The following SLC12A3 variants were observed in gnomAD, a reference collection of about 807,000 sequenced individuals.
SLC12A3 encodes Na-Cl cotransporter.
A neutral mutation model predicts 121.0 loss-of-function variants in SLC12A3; 104 were observed. The ratio of observed to expected loss-of-function variants is 0.86; its 90% CI spans 0.73 to 1.01. The LOEUF (loss-of-function observed/expected upper bound fraction) is 1.01, where lower values mean the gene tolerates loss of function less well. SLC12A3 is among the 50% of genes least tolerant of loss of function. The pLI is 0.00. For missense variants in SLC12A3, 1,328 were observed against 1,356.3 expected (o/e 0.98, Z 0.33); for synonymous variants, 536 against 533.4 (o/e 1.00, Z -0.07).
chr16:56,873,374 C>CTTTTT (rs59478629), intron 8 of SLC12A3, among the ~76,000 whole-genome samples: 139 of 75,392 alleles, frequency 1.8e-3, no homozygotes, highest in Non-Finnish European at 2.5e-3. Context: ...CTCTTTCTTT[C>CTTTTT]TTTTTTTTTT....
chr16:56,884,313 C>A, intron 14 of SLC12A3, 109 bp downstream of exon 14: 1 of 1,147,084 alleles, frequency 8.7e-7, no homozygotes, highest in Non-Finnish European at 1.3e-6. Context: ...CTGTGCTGTC[C>A]AGGGCCCCTC....
Position 56,870,221 on chromosome 16 carries a change from C to A in SLC12A3, c.727C>A (p.Arg243=). The change falls in exon 5 of 26, where the codon CGG becomes AGG. Residue 243 remains arginine (R), a synonymous_variant. Coordinates refer to ENST00000563236, the MANE Select transcript of SLC12A3 (RefSeq NM_001126108.2). ...CACGGTGGGCTTTGCAGAGACCGTG[C>A]GGGACCTGCTCCAGGTGAGGCCGGG... ...MHTVGFAETV[R]DLLQEYGAPI... The A allele has an allele frequency of 2.5e-6, 4 of 1,613,488 alleles. No homozygotes were observed. Among genetic ancestry groups the A allele is most frequent in the Non-Finnish European group, 3.4e-6 (4 of 1,180,010 alleles).
chr16:56,889,130 A>ATGT lies in SLC12A3; in HGVS notation c.2285+1099_2285+1100insTGT, dbSNP rs1311364871. Among the ~76,000 whole-genome samples the ATGT allele has an allele frequency of 5.6e-3, 847 of 152,328 alleles. 15 individuals carry two copies. The highest frequency in any genetic ancestry group is 0.038 in the South Asian group (184 of 4,832). On this transcript the variant is annotated intron_variant, in intron 18 of 25. Coordinates refer to ENST00000563236, the MANE Select transcript of SLC12A3 (RefSeq NM_001126108.2). ...TGTTGATGTTGTTGTGTGAGGTATC[A>ATGT]CTGAACAACATGAGGCTGAGGGTTG...
chr16:56,901,347 C>CTCTTTTTTTTT (rs1555502273), intron 23 of SLC12A3, among the ~76,000 whole-genome samples: 7 of 128,880 alleles, frequency 5.4e-5, no homozygotes, highest in South Asian at 2.4e-4. Flanking sequence ...CTCTCTCTCT[C>CTCTTTTTTTTT]TTTTTTTTTT....
intron 11 of SLC12A3, among the ~76,000 whole-genome samples, chr16:56,879,913 G>A (rs1307413261): frequency 2.6e-5 from 4 of 152,114 alleles, no homozygotes; most frequent in Admixed American, 2.0e-4. Context: ...AGCTCTACCC[G>A]AAGCCATCCA....
rs545989306 is a variant in SLC12A3 at position 56,867,166 on chromosome 16, G to T, written c.379G>T (p.Glu127Ter). The T allele has an allele frequency of 6.2e-7, 1 of 1,613,962 alleles. No individual in the cohort carries two copies. Among genetic ancestry groups the T allele is most frequent in the Non-Finnish European group, 8.5e-7 (1 of 1,179,986 alleles). Residue 127 changes from glutamate to a stop codon, truncating the protein, a stop_gained, in exon 2 of 26, where the codon GAG (glutamate) becomes TAG (stop). Coordinates refer to ENST00000563236, the MANE Select transcript of SLC12A3 (RefSeq NM_001126108.2). LOFTEE classifies it high-confidence loss of function. ...GGAGGGCGAGGCAGGCACCAGCAGC[G>T]AGAAGAACCCCGAGGAGCCAGTGCG... is the stretch of plus-strand genomic sequence containing the variant. Reference protein sequence around the residue: ...LVEGEAGTSSEKNPEEPVRFG... With the variant: ...LVEGEAGTSS
At position 56,902,745 on chromosome 16, in the gene SLC12A3, C is replaced by T. The variant is rs530207448; in HGVS notation, c.2856+237C>T. Reference sequence around the variant, plus strand: ...CCTGCCCATCTTGAGTGAGCTCTGGCAGTGGGCTTGACTGCCCGGAGTCCT... The same window carrying T: ...CCTGCCCATCTTGAGTGAGCTCTGGTAGTGGGCTTGACTGCCCGGAGTCCT... On this transcript the variant is annotated intron_variant, in intron 24 of 25. Coordinates refer to ENST00000563236, the MANE Select transcript of SLC12A3 (RefSeq NM_001126108.2). Among the ~76,000 whole-genome samples, 5 of 151,572 alleles carry T rather than the reference C, an allele frequency of 3.3e-5. No homozygotes were observed. In the South Asian group the frequency reaches 1.0e-3, roughly 32 times the overall value.
chr16:56,894,153 A>G (rs1389088831), intron 21 of SLC12A3, among the ~76,000 whole-genome samples: 1 of 151,884 alleles, frequency 6.6e-6, no homozygotes, highest in Non-Finnish European at 1.5e-5. Context: ...ATAGGTGTGC[A>G]CCATCAGGCC....
chr16:56,870,138 T>G lies in SLC12A3; in HGVS notation c.644T>G (p.Leu215Arg), dbSNP rs780594361. The change falls in exon 5 of 26, where the codon CTT becomes CGT. Residue 215 changes from leucine to arginine, a missense_variant. Coordinates refer to ENST00000563236, the MANE Select transcript of SLC12A3 (RefSeq NM_001126108.2). ...ATCTCCCGGAGTCTGGGCCCAGAGC[T>G]TGGGGGCTCCATCGGCCTCATTTTC... The part of the protein sequence containing the change: ...FLISRSLGPE[L>R]GGSIGLIFAF... 6.2e-7 allele frequency: 1 copy of G among 1,613,934 alleles called. No homozygotes were observed. The highest frequency in any genetic ancestry group is 8.5e-7 in the Non-Finnish European group (1 of 1,180,052).
intron 8 of SLC12A3, among the ~76,000 whole-genome samples, chr16:56,875,824 C>T (rs989915854): frequency 2.1e-5 from 3 of 142,770 alleles, no homozygotes; most frequent in Non-Finnish European, 4.6e-5. Flanking sequence ...GAGTTAGGCA[C>T]ATCCAGGTCC....
intron 18 of SLC12A3, among the ~76,000 whole-genome samples, chr16:56,888,581 C>T (rs1433797163): frequency 5.6e-5 from 4 of 71,990 alleles, no homozygotes; most frequent in African/African-American, 9.6e-5. Context: ...TTTTTTGAGA[C>T]GGAGTCTCAC....
chr16:56,887,790 ATATATATATT>A (rs1418161411), intron 17 of SLC12A3, 125 bp from the exon 18 acceptor site: 12 of 110,406 alleles, frequency 1.1e-4, no homozygotes, highest in East Asian at 8.1e-4. Flanking sequence ...ATATATATAT[ATATATATATT>A]TTTTTTTTTT....
At position 56,904,326 on chromosome 16, in the gene SLC12A3, A is replaced by AT. The variant is rs1320955704; in HGVS notation, c.2857-68dup. The AT allele has an allele frequency of 2.2e-6, 3 of 1,367,678 alleles. No individual in the cohort carries two copies. In the East Asian group the frequency reaches 6.9e-5, roughly 31 times the overall value. The allele number at this position is 1,367,678 out of a possible 1,614,324, so 84.7% of individuals were successfully genotyped here. A position where few individuals can be genotyped will look rare whatever the true frequency, so the allele number is the denominator to read the frequency against. ...TCCAGTTGAAAATGTTAATGAGGCC[A>AT]TAGACGTGGTGAAGGATTGAGTGAC... On this transcript the variant is annotated intron_variant, in intron 24 of 25. Transcript: ENST00000563236.
chr16:56,899,301 C>T (rs1177349998), intron 22 of SLC12A3, among the ~76,000 whole-genome samples: 1 of 151,830 alleles, frequency 6.6e-6, no homozygotes, highest in Non-Finnish European at 1.5e-5. Context: ...CACCCGAGGC[C>T]AACATGACGA....
intron 9 of SLC12A3, 40 bp from the exon 10 acceptor site, chr16:56,879,033 G>A (rs760679264): frequency 6.3e-7 from 1 of 1,577,448 alleles, no homozygotes; most frequent in East Asian, 2.3e-5. Context: ...AGAGTAAGGA[G>A]GGAAGGCAGA....
At chr16:56,897,175 T>G (rs572214558) in intron 22 of SLC12A3, among the ~76,000 whole-genome samples, 11 of 151,364 alleles carry the variant, frequency 7.3e-5, no homozygotes, top group Admixed American at 5.9e-4. Flanking sequence ...GGCACACAAG[T>G]ATGGAGTTGA....
At chr16:56,888,190 G>C (rs1353473823) in intron 18 of SLC12A3, among the ~76,000 whole-genome samples, 159 bp downstream of exon 18, 10 of 152,212 alleles carry the variant, frequency 6.6e-5, no homozygotes, top group African/African-American at 2.4e-4. Context: ...GAGGCAGGAA[G>C]CTCACTTGAG....
intron 25 of SLC12A3, among the ~76,000 whole-genome samples, chr16:56,909,315 G>GC: frequency 8.2e-6 from 1 of 122,470 alleles, no homozygotes; most frequent in South Asian, 2.4e-4. Flanking sequence ...AAAAAAGAAA[G>GC]CAAAAAAAAA....
chr16:56,902,589 G>A, intron 24 of SLC12A3, 81 bp downstream of exon 24: 1 of 1,553,508 alleles, frequency 6.4e-7, no homozygotes, highest in Admixed American at 1.7e-5. Flanking sequence ...AGCTCCCCCA[G>A]CCCCTCCCCT....
Sources: gnomAD v4.1 joint callset for allele counts (sites outside exome capture counted in the v4.1 genomes callset) on GRCh38, gnomAD v4.1.1 for gene constraint, MANE v1.5 for transcripts, NCBI Gene and HGNC (gene_info 2026-07-23, HGNC 2026-07-21) for gene names.